Variants in NRXN1 observed in about 807,000 individuals in gnomAD.
NRXN1 encodes the protein neurexin 1, also known as neurexin-1.
NRXN1 carries 39 observed loss-of-function variants against 150.9 expected under a neutral mutation model. That is an observed-to-expected ratio of 0.26 (90% confidence interval 0.20 to 0.34). The LOEUF is 0.34. Among genes scored for constraint, NRXN1 ranks in the 10% least tolerant of loss-of-function variants. The pLI is 1.00. For missense variants in NRXN1, 1,815 were observed against 1,949.9 expected (o/e 0.93, Z 1.30); for synonymous variants, 924 against 757.0 (o/e 1.22, Z -3.62).
At chr2:50,279,480 A>C (rs981628949) in intron 17 of NRXN1, among the ~76,000 whole-genome samples, 27 of 152,184 alleles carry the variant, frequency 1.8e-4, no homozygotes, top group African/African-American at 6.5e-4. Context: ...CTTTTTCACC[A>C]AAATTTAACT....
At chr2:50,107,636 A>G (rs1176126563) in intron 18 of NRXN1, among the ~76,000 whole-genome samples, 2 of 150,750 alleles carry the variant, frequency 1.3e-5, no homozygotes, top group Admixed American at 1.3e-4. Context: ...TTATATTCAC[A>G]CATTGTTACA....
chr2:50,699,599 C>G (rs954676904), intron 5 of NRXN1, among the ~76,000 whole-genome samples: 7 of 152,142 alleles, frequency 4.6e-5, no homozygotes, highest in African/African-American at 1.7e-4. Flanking sequence ...ATCCAGGCCC[C>G]CTGCTGACAG....
intron 21 of NRXN1, among the ~76,000 whole-genome samples, chr2:50,002,027 C>G (rs954782715): frequency 1.3e-5 from 2 of 151,858 alleles, no homozygotes; most frequent in African/African-American, 4.8e-5. Flanking sequence ...GTTCTCCAAC[C>G]AGAAAGAATT....
At chr2:50,348,457 T>C (rs1575176212) in intron 17 of NRXN1, among the ~76,000 whole-genome samples, 1 of 152,334 alleles carries the variant, frequency 6.6e-6, no homozygotes, top group Admixed American at 6.5e-5. Flanking sequence ...TTTAGGAATA[T>C]TTAAGATCTT....
At chr2:50,388,215 A>G (rs1184370461) in intron 17 of NRXN1, among the ~76,000 whole-genome samples, 1 of 152,186 alleles carries the variant, frequency 6.6e-6, no homozygotes, top group Non-Finnish European at 1.5e-5. Flanking sequence ...ACAGTGAAGT[A>G]AAATAGACTG....
At chr2:50,302,462 A>G (rs999659222) in intron 17 of NRXN1, among the ~76,000 whole-genome samples, 1 of 152,182 alleles carries the variant, frequency 6.6e-6, no homozygotes, top group African/African-American at 2.4e-5. Flanking sequence ...ACAGTTATAG[A>G]TTACAAAGTC....
intron 13 of NRXN1, among the ~76,000 whole-genome samples, chr2:50,505,527 G>A (rs552102892): frequency 6.6e-6 from 1 of 152,144 alleles, no homozygotes; most frequent in African/African-American, 2.4e-5. Flanking sequence ...TGTCCAAACT[G>A]TGGATGCTGA....
At chr2:50,478,560 T>C (rs529563020) in intron 15 of NRXN1, among the ~76,000 whole-genome samples, 2 of 152,312 alleles carry the variant, frequency 1.3e-5, no homozygotes, top group African/African-American at 4.8e-5. Flanking sequence ...GCTTGATTTA[T>C]TGTTTTTTAA....
intron 18 of NRXN1, among the ~76,000 whole-genome samples, chr2:50,190,570 A>G (rs1212908256): frequency 6.6e-6 from 1 of 151,884 alleles, no homozygotes; most frequent in Non-Finnish European, 1.5e-5. Flanking sequence ...CTCTTCTATG[A>G]AAGTCTCCAA....
intron 15 of NRXN1, among the ~76,000 whole-genome samples, chr2:50,487,617 C>A (rs1327501059): frequency 6.6e-6 from 1 of 152,238 alleles, no homozygotes; most frequent in Non-Finnish European, 1.5e-5. Flanking sequence ...ACTTTCAAGT[C>A]TATTTCCATG....
At chr2:50,247,728 T>C (rs1485012212) in intron 17 of NRXN1, among the ~76,000 whole-genome samples, 1 of 152,006 alleles carries the variant, frequency 6.6e-6, no homozygotes, top group Admixed American at 6.6e-5. Flanking sequence ...TATGACAACT[T>C]GATGAAATGC....
chr2:50,872,365 G>C (rs1427299205), intron 5 of NRXN1, among the ~76,000 whole-genome samples: 1 of 151,752 alleles, frequency 6.6e-6, no homozygotes, highest in Non-Finnish European at 1.5e-5. Flanking sequence ...ATACGTTGTT[G>C]AGCTGAGGGT....
chr2:50,522,923 G>A (rs548182842), intron 12 of NRXN1, among the ~76,000 whole-genome samples: 1 of 150,390 alleles, frequency 6.6e-6, no homozygotes, highest in African/African-American at 2.4e-5. Context: ...TAGTAGAGAC[G>A]GGGTTTCACC....
intron 5 of NRXN1, among the ~76,000 whole-genome samples, chr2:50,656,188 C>T (rs1458094982): frequency 1.3e-5 from 2 of 151,954 alleles, no homozygotes; most frequent in African/African-American, 4.8e-5. Context: ...CACCACTTCA[C>T]CCCCTGCCCC....
At chr2:49,923,270 G>C (rs1668537693) in intron 22 of NRXN1, among the ~76,000 whole-genome samples, 2 of 152,136 alleles carry the variant, frequency 1.3e-5, no homozygotes, top group Non-Finnish European at 2.9e-5. Context: ...GATAGAAACT[G>C]TAGCGAGAGA....
intron 5 of NRXN1, among the ~76,000 whole-genome samples, chr2:50,750,090 T>C (rs904262101): frequency 1.3e-5 from 2 of 152,022 alleles, no homozygotes; most frequent in African/African-American, 4.8e-5. Flanking sequence ...TGGGAGATCT[T>C]ATCAGGTCCT....
intron 17 of NRXN1, among the ~76,000 whole-genome samples, chr2:50,406,908 A>ATT (rs111526966): frequency 6.6e-6 from 1 of 151,960 alleles, no homozygotes; most frequent in Non-Finnish European, 1.5e-5. Flanking sequence ...TTAAAGCTCA[A>ATT]TTTTTTGCAT....
intron 12 of NRXN1, among the ~76,000 whole-genome samples, chr2:50,517,638 C>T (rs376268920): frequency 6.6e-6 from 1 of 152,058 alleles, no homozygotes; most frequent in African/African-American, 2.4e-5. Flanking sequence ...AGCTTTTTCG[C>T]TCAGTTACAT....
At chr2:50,989,566 G>A (rs748982844) in intron 2 of NRXN1, among the ~76,000 whole-genome samples, 1 of 151,930 alleles carries the variant, frequency 6.6e-6, no homozygotes, top group Non-Finnish European at 1.5e-5. Context: ...GTAGACTTCT[G>A]AGTTGGTTTC....
Sources: gnomAD v4.1 joint callset for allele counts (sites outside exome capture counted in the v4.1 genomes callset) on GRCh38, gnomAD v4.1.1 for gene constraint, MANE v1.5 for transcripts, NCBI Gene and HGNC (gene_info 2026-07-23, HGNC 2026-07-21) for gene names.